PTPRN2: variants seen among roughly 807,000 people sequenced by gnomAD.
The protein encoded by PTPRN2 is protein tyrosine phosphatase receptor type N2.
In PTPRN2, 74 loss-of-function variants were observed where a neutral mutation model predicts 118.8. That is an observed-to-expected ratio of 0.62 (90% CI 0.52 to 0.76). The LOEUF (loss-of-function observed/expected upper bound fraction) is 0.76, where lower values mean the gene tolerates loss of function less well. PTPRN2 is among the 30% of genes least tolerant of loss of function. The pLI, the probability that PTPRN2 is intolerant of heterozygous loss-of-function variation, is 0.00. For missense variants in PTPRN2, 1,481 were observed against 1,394.4 expected, an observed-to-expected ratio of 1.06 and a Z score of -0.99; for synonymous variants, 641 against 608.0, an observed-to-expected ratio of 1.05 and a Z score of -0.80.
At position 157,785,125 on chromosome 7, in the gene PTPRN2, C is replaced by T. The variant is rs1052436334; in HGVS notation, c.1789-102188G>A. Among the ~76,000 whole-genome samples, 5 of 152,016 alleles carry T rather than the reference C, an allele frequency of 3.3e-5. No individual in the cohort carries two copies. The highest frequency in any genetic ancestry group is 9.7e-5 in the African/African-American group (4 of 41,368). On this transcript the variant is annotated intron_variant, in intron 12 of 22. Coordinates refer to ENST00000389418, the MANE Select transcript of PTPRN2 (RefSeq NM_002847.5). The surrounding 1 kb of genome is among the most constrained non-coding windows in gnomAD (Gnocchi z 7.3). ...TGTTTCCAGAATGTTGGCACAGCGG[C>T]GAGAAGGCTGACCGAACACCGAGAA...
chr7:157,725,472 G>T (rs1342221131), intron 12 of PTPRN2, among the ~76,000 whole-genome samples: 3 of 89,094 alleles, frequency 3.4e-5, no homozygotes, highest in Admixed American at 1.2e-4. Context: ...GAGTGAGCCA[G>T]ACCCTCACCT....
At chr7:158,071,995 TG>T (rs1367338558) in intron 11 of PTPRN2, among the ~76,000 whole-genome samples, 1 of 109,300 alleles carries the variant, frequency 9.1e-6, no homozygotes, top group Non-Finnish European at 1.8e-5. Flanking sequence ...GTGCTCGTGG[TG>T]GTGGAGGTGC....
rs80259405 is a variant in PTPRN2, at chr7:157,728,211, C to T, written c.1789-45274G>A. 1.6e-4 allele frequency among the ~76,000 whole-genome samples: 25 copies of T among 152,346 alleles called. No homozygotes were observed. The East Asian group carries it at 3.9e-3, about 23-fold the overall frequency. ...AACACAGATGGGGCCGACTCTGCCG[C>T]GCGGTCTCCTCACTGTGCTTCCTGC... On this transcript the variant is annotated intron_variant, in intron 12 of 22. Transcript: ENST00000389418.
chr7:158,306,880 T>G (rs922210213), intron 3 of PTPRN2, among the ~76,000 whole-genome samples: 8 of 148,784 alleles, frequency 5.4e-5, no homozygotes, highest in African/African-American at 1.5e-4. Context: ...TTTTTTTTTT[T>G]TTTTTAGACA....
chr7:158,346,649 T>C (rs1162082120), intron 2 of PTPRN2, among the ~76,000 whole-genome samples: 1 of 152,220 alleles, frequency 6.6e-6, no homozygotes, highest in Non-Finnish European at 1.5e-5. Context: ...GTGGGATTGC[T>C]AGATGATATG....
chr7:157,935,920 C>T (rs1799670325), intron 11 of PTPRN2, among the ~76,000 whole-genome samples: 1 of 148,192 alleles, frequency 6.7e-6, no homozygotes, highest in Non-Finnish European at 1.5e-5. Flanking sequence ...GGGGGTCTAG[C>T]CATCCTCAGC....
chr7:158,366,330 C>T (rs1210835874), intron 2 of PTPRN2, among the ~76,000 whole-genome samples: 1 of 149,072 alleles, frequency 6.7e-6, no homozygotes, highest in Non-Finnish European at 1.5e-5. Flanking sequence ...CACACACACA[C>T]CCACAGCATC....
rs910524175 is a variant in PTPRN2, at chr7:157,813,187, G to A, written c.1788+85486C>T. 5.3e-5 allele frequency among the ~76,000 whole-genome samples: 8 copies of A among 152,160 alleles called. No individual in the cohort carries two copies. The highest frequency in any genetic ancestry group is 8.8e-5 in the Non-Finnish European group (6 of 68,034). The stretch of plus-strand genomic sequence containing the variant: ...AAGCATCTCCAGAGCGCGTGGGACC[G>A]TAGAGAAGGCAGTGACAGGGCCAGG... On this transcript the variant is annotated intron_variant, in intron 12 of 22. Transcript: ENST00000389418. This position sits in a 1 kb window ranked among gnomAD's most constrained non-coding sequence, Gnocchi z 4.7.
rs774836053 is a variant in PTPRN2 at position 157,576,824 on chromosome 7, A to G, written c.2617-45T>C. The G allele has an allele frequency of 2.3e-5, 35 of 1,510,388 alleles. No homozygotes were observed. In the Middle Eastern group the frequency reaches 5.1e-4, roughly 22 times the overall value. 93.6% of individuals were successfully genotyped at this position (1,510,388 alleles called of 1,614,324 possible). On this transcript the variant is annotated intron_variant, in intron 18 of 22. Transcript: ENST00000389418. Reference sequence around the variant, plus strand: ...GGAGGGGACAGAGACAGGTGTGGACATTGTGAACCGAACCTCAGGCACTGA... The same window carrying G: ...GGAGGGGACAGAGACAGGTGTGGACGTTGTGAACCGAACCTCAGGCACTGA...
chr7:158,091,757 G>A (rs1240753947), intron 10 of PTPRN2, among the ~76,000 whole-genome samples: 4 of 148,942 alleles, frequency 2.7e-5, no homozygotes, highest in Non-Finnish European at 6.0e-5. Context: ...ATAGGTGATG[G>A]ATGGGTAGAG....
intron 13 of PTPRN2, among the ~76,000 whole-genome samples, chr7:157,656,990 A>G (rs1795518626): frequency 6.9e-6 from 1 of 144,432 alleles, no homozygotes. Context: ...CACACACATC[A>G]CACATATACA....
At chr7:157,827,758 C>G (rs56246845) in intron 12 of PTPRN2, among the ~76,000 whole-genome samples, 1 of 146,478 alleles carries the variant, frequency 6.8e-6, no homozygotes, top group Non-Finnish European at 1.5e-5. Context: ...CTCACCGTGC[C>G]GGGGTGGATG....
At chr7:157,565,524 G>A (rs1410742382) in intron 21 of PTPRN2, among the ~76,000 whole-genome samples, 1 of 152,146 alleles carries the variant, frequency 6.6e-6, no homozygotes, top group Non-Finnish European at 1.5e-5. Context: ...CGCAGACCCT[G>A]GTGGGAATGC....
At chr7:157,835,538 T>A (rs1422239748) in intron 12 of PTPRN2, among the ~76,000 whole-genome samples, 1 of 152,102 alleles carries the variant, frequency 6.6e-6, no homozygotes, top group African/African-American at 2.4e-5. Context: ...AGACTCGTCC[T>A]AAGGATGGGG....
chr7:158,076,098 C>T (rs1030050301), intron 11 of PTPRN2, among the ~76,000 whole-genome samples: 1 of 152,254 alleles, frequency 6.6e-6, no homozygotes, highest in Non-Finnish European at 1.5e-5. Context: ...TCTCATTCAC[C>T]TGCACATGGA....
chr7:157,852,708 A>C (rs903077363), intron 12 of PTPRN2, among the ~76,000 whole-genome samples: 3 of 151,926 alleles, frequency 2.0e-5, no homozygotes, highest in African/African-American at 7.3e-5. Context: ...GTCTCTACTA[A>C]AAACACAAAA....
At chr7:158,157,907 A>G (rs1821981252) in intron 6 of PTPRN2, among the ~76,000 whole-genome samples, 2 of 152,198 alleles carry the variant, frequency 1.3e-5, no homozygotes, top group Non-Finnish European at 2.9e-5. Flanking sequence ...CTTTGATAAC[A>G]TAGGTGCCTT....
In PTPRN2 at chr7:157,613,364, G is replaced by C. The variant is rs530066671; in HGVS notation, c.2344+7998C>G. Among the ~76,000 whole-genome samples, 4 of 152,370 alleles carry C rather than the reference G, an allele frequency of 2.6e-5. No homozygotes were observed. In the South Asian group the frequency reaches 8.3e-4, roughly 32 times the overall value. On this transcript the variant is annotated intron_variant, in intron 15 of 22. Coordinates refer to ENST00000389418, the MANE Select transcript of PTPRN2 (RefSeq NM_002847.5). ...CCGGTCTCTTCCGATAGTTCTGGCA[G>C]AGACGGCTGCGGGGAGACACGGGCG...
chr7:157,767,435 C>A (rs764926587), intron 12 of PTPRN2, among the ~76,000 whole-genome samples: 2 of 152,218 alleles, frequency 1.3e-5, no homozygotes, highest in African/African-American at 4.8e-5. Context: ...GATAATGATG[C>A]CTGACACTTT....
Sources: allele counts gnomAD v4.1 joint callset (sites outside exome capture counted in the v4.1 genomes callset), GRCh38; gene constraint gnomAD v4.1.1; non-coding constraint Gnocchi (gnomAD v3.1); transcripts MANE v1.5; gene names NCBI Gene and HGNC (gene_info 2026-07-23, HGNC 2026-07-21).